Variants in CTDSPL2 observed in about 807,000 individuals in gnomAD.
CTDSPL2 encodes the protein CTD small phosphatase-like protein 2.
Under a neutral mutation model 60.0 loss-of-function variants are expected in CTDSPL2, and 5 were observed. The ratio of observed to expected loss-of-function variants is 0.08; its 90% CI spans 0.04 to 0.18. CTDSPL2 has a LOEUF of 0.18. CTDSPL2 is among the 10% of genes least tolerant of loss of function. CTDSPL2 has a pLI of 1.00. For missense variants in CTDSPL2, 370 were observed against 548.8 expected (o/e 0.67, Z 3.26); for synonymous variants, 186 against 189.3 (o/e 0.98, Z 0.14).
chr15:44,452,143 A>G (rs2140669613), intron 1 of CTDSPL2, among the ~76,000 whole-genome samples: 1 of 152,354 alleles, frequency 6.6e-6, no homozygotes, highest in East Asian at 1.9e-4. Context: ...GAAATATTAC[A>G]TGACCATTAC....
At chr15:44,506,457 C>CACA (rs2081467933) in intron 8 of CTDSPL2, among the ~76,000 whole-genome samples, 1 of 142,852 alleles carries the variant, frequency 7.0e-6, no homozygotes, top group African/African-American at 2.6e-5. Flanking sequence ...CGCTGTGTCA[C>CACA]CCAGACTGGA....
At chr15:44,477,095 G>C (rs1355572306) in intron 2 of CTDSPL2, among the ~76,000 whole-genome samples, 1 of 152,246 alleles carries the variant, frequency 6.6e-6, no homozygotes, top group Admixed American at 6.5e-5. Context: ...CAAGCGTGGT[G>C]CTGCACACCT....
Position 44,459,093 on chromosome 15 carries a change from T to C in CTDSPL2, c.79T>C (p.Tyr27His). 2 of 1,612,686 alleles carry C rather than the reference T, an allele frequency of 1.2e-6. No individual in the cohort carries two copies. Among genetic ancestry groups the C allele is most frequent in the East Asian group, 4.5e-5 (2 of 44,666 alleles). The change falls in exon 2 of 13, where the codon TAT becomes CAT. Residue 27 changes from tyrosine (Y) to histidine (H), a missense_variant. Around this residue, in one of 6 missense-constraint regions of CTDSPL2, gnomAD observed 287 missense variants for 296.1 expected, o/e 0.97. Transcript: ENST00000260327. ...TQRTARAKRK[Y>H]SEVDDSLPSG... ...ACGCACTGCCAGAGCAAAGAGGAAA[T>C]ATTCAGAGGTTGATGATAGCCTGCC...
chr15:44,528,682 TC>T lies in CTDSPL2; in HGVS notation c.*4511del, dbSNP rs2081905293. 3 of 152,252 alleles carry T rather than the reference TC, an allele frequency of 2.0e-5. No individual in the cohort carries two copies. The South Asian group carries it at 6.2e-4, about 32-fold the overall frequency. The allele number at this position is 152,252 out of a possible 1,614,324, so 9.4% of individuals were successfully genotyped here. A position where few individuals can be genotyped will look rare whatever the true frequency, so the allele number is the denominator to read the frequency against. Reference sequence around the variant, plus strand: ...ACCATATACATAGCTAAAGGACATGTCCCTGAATGAGACCATTATATATATT... The same window carrying T: ...ACCATATACATAGCTAAAGGACATGTCCTGAATGAGACCATTATATATATT... On this transcript the variant is annotated 3_prime_UTR_variant, in exon 13 of 13. Transcript: ENST00000260327.
intron 2 of CTDSPL2, among the ~76,000 whole-genome samples, chr15:44,477,086 A>G (rs79309194): frequency 0.051 from 7,815 of 152,294 alleles, 361 homozygotes; most frequent in East Asian, 0.23. Flanking sequence ...CGAATTAGTC[A>G]AGCGTGGTGC....
At chr15:44,491,331 A>T (rs2081210241) in intron 5 of CTDSPL2, among the ~76,000 whole-genome samples, 1 of 152,154 alleles carries the variant, frequency 6.6e-6, no homozygotes, top group Non-Finnish European at 1.5e-5. Context: ...TTAGACCCTT[A>T]TGTCTGAGGT....
intron 1 of CTDSPL2, among the ~76,000 whole-genome samples, chr15:44,446,432 G>A (rs1176784444): frequency 1.3e-5 from 2 of 151,916 alleles, no homozygotes; most frequent in African/African-American, 2.4e-5. Flanking sequence ...GTTCGAAACC[G>A]CCCTGGCCAA....
intron 2 of CTDSPL2, among the ~76,000 whole-genome samples, chr15:44,475,421 C>T (rs898848466): frequency 1.3e-5 from 2 of 152,118 alleles, no homozygotes; most frequent in Admixed American, 6.6e-5. Flanking sequence ...GGTGGATCAC[C>T]TGAGGTCAGG....
chr15:44,465,712 CTTTTTTTTT>C (rs772862374), intron 2 of CTDSPL2, among the ~76,000 whole-genome samples: 111 of 128,028 alleles, frequency 8.7e-4, no homozygotes, highest in African/African-American at 2.9e-3. Flanking sequence ...TCCTCCTCCT[CTTTTTTTTT>C]TTTTTTTTTT....
At chr15:44,436,005 GTCC>G (rs1457181167) in intron 1 of CTDSPL2, among the ~76,000 whole-genome samples, 1 of 151,894 alleles carries the variant, frequency 6.6e-6, no homozygotes, top group African/African-American at 2.4e-5. Flanking sequence ...TTTTCCCCAA[GTCC>G]TCCTCCTCCT....
intron 1 of CTDSPL2, among the ~76,000 whole-genome samples, chr15:44,442,135 T>TA (rs753419328): frequency 6.6e-6 from 1 of 152,098 alleles, no homozygotes; most frequent in Non-Finnish European, 1.5e-5. Flanking sequence ...TATTTCCTGT[T>TA]ACGAAATTCC....
chr15:44,519,534 C>T, intron 11 of CTDSPL2: 1 of 341,344 alleles, frequency 2.9e-6, no homozygotes, highest in Non-Finnish European at 5.3e-6. Flanking sequence ...ATAAGATAAG[C>T]ATCATTGAAT....
Position 44,527,848 on chromosome 15 carries a change from C to T in CTDSPL2, c.*3674C>T, listed in dbSNP as rs941687814. 6.6e-6 allele frequency: 1 copy of T among 152,328 alleles called. No individual in the cohort carries two copies. The highest frequency in any genetic ancestry group is 2.1e-4 in the South Asian group (1 of 4,832). 9.4% of individuals were successfully genotyped at this position (152,328 alleles called of 1,614,324 possible). ...CATTCATTGACTTTCTTATTCCTCT[C>T]ATGAGCTATAATTGAGTATAGTATT... On this transcript the variant is annotated 3_prime_UTR_variant, in exon 13 of 13. Coordinates refer to ENST00000260327, the MANE Select transcript of CTDSPL2 (RefSeq NM_016396.3).
intron 1 of CTDSPL2, among the ~76,000 whole-genome samples, chr15:44,438,552 G>C (rs868634650): frequency 6.6e-6 from 1 of 152,130 alleles, no homozygotes; most frequent in Non-Finnish European, 1.5e-5. Context: ...TAAGTTTCTG[G>C]CTTGGCTAGT....
chr15:44,458,523 T>C (rs1328629213), intron 1 of CTDSPL2, among the ~76,000 whole-genome samples: 1 of 152,258 alleles, frequency 6.6e-6, no homozygotes, highest in Admixed American at 6.5e-5. Flanking sequence ...ATTCATTCAT[T>C]GGCTGACATT....
intron 1 of CTDSPL2, among the ~76,000 whole-genome samples, chr15:44,450,589 A>ATTTTTTTTTTT (rs36016079): frequency 3.4e-5 from 3 of 88,684 alleles, no homozygotes; most frequent in African/African-American, 9.5e-5. Context: ...TATATTCTTA[A>ATTTTTTTTTTT]TTTTTTTTTT....
intron 2 of CTDSPL2, among the ~76,000 whole-genome samples, chr15:44,469,273 A>G (rs983660325): frequency 9.9e-5 from 15 of 152,210 alleles, no homozygotes; most frequent in Admixed American, 8.5e-4. Context: ...TTCATGTGCC[A>G]TGAAATATTA....
At chr15:44,433,352 A>G (rs546224757) in intron 1 of CTDSPL2, among the ~76,000 whole-genome samples, 4,002 of 148,322 alleles carry the variant, frequency 0.027, 227 homozygotes, top group African/African-American at 0.095. Context: ...AAAAAAAAGG[A>G]CAAAAAACAG....
At chr15:44,487,795 C>T (rs1294604670) in intron 4 of CTDSPL2, among the ~76,000 whole-genome samples, 2 of 151,716 alleles carry the variant, frequency 1.3e-5, no homozygotes, top group African/African-American at 2.4e-5. Context: ...GTTTTTTTCC[C>T]CAAGGTGAAA....
Sources: allele counts gnomAD v4.1 joint callset (sites outside exome capture counted in the v4.1 genomes callset), GRCh38; gene constraint gnomAD v4.1.1; regional missense constraint gnomAD v4.1.1; transcripts MANE v1.5; gene names NCBI Gene and HGNC (gene_info 2026-07-23, HGNC 2026-07-21).